The following SLC12A5 variants were observed in gnomAD, a reference collection of about 807,000 sequenced individuals.
SLC12A5 encodes the protein K-Cl cotransporter 2.
Under a neutral mutation model 124.0 loss-of-function variants are expected in SLC12A5, and 18 were observed. The ratio of observed to expected loss-of-function variants is 0.15; its 90% CI spans 0.10 to 0.22. SLC12A5 has a LOEUF of 0.22. Among genes scored for constraint, SLC12A5 ranks in the 10% least tolerant of loss-of-function variants. SLC12A5 has a pLI of 1.00. For synonymous variants in SLC12A5, 589 were observed against 568.0 expected (o/e 1.04, Z -0.53); for missense variants, 867 against 1,478.7 (o/e 0.59, Z 6.78).
At chr20:46,055,519 T>TGGGTGTGGGTGTA (rs879541970) in intron 21 of SLC12A5, among the ~76,000 whole-genome samples, 2 of 152,050 alleles carry the variant, frequency 1.3e-5, no homozygotes, top group African/African-American at 2.4e-5. Flanking sequence ...TAAGATCTTC[T>TGGGTGTGGGTGTA]AGGTGTGGGT....
chr20:46,051,819 C>A lies in SLC12A5; in HGVS notation c.2326C>A (p.Pro776Thr). ...LQHNTVLVGW[P>T]RNWRQKEDHQ... Reference sequence around the variant, plus strand: ...GCACAACACTGTGCTTGTTGGCTGGCCCCGCAACTGGCGCCAGAAGGAAGA... The same window carrying A: ...GCACAACACTGTGCTTGTTGGCTGGACCCGCAACTGGCGCCAGAAGGAAGA... Residue 776 changes from proline (P) to threonine (T), a missense_variant, in exon 18 of 26, where the codon CCC becomes ACC. Around this residue, in one of 9 missense-constraint regions of SLC12A5, gnomAD observed 110 missense variants for 149.9 expected, o/e 0.73. Transcript: ENST00000243964. 1.9e-6 allele frequency: 3 copies of A among 1,590,668 alleles called. No homozygotes were observed. Among genetic ancestry groups the A allele is most frequent in the Non-Finnish European group, 2.6e-6 (3 of 1,170,432 alleles).
rs546189392 is a variant in SLC12A5, at chr20:46,050,128, T to A, written c.2181+338T>A. Among the ~76,000 whole-genome samples the A allele has an allele frequency of 6.5e-4, 99 of 152,332 alleles. 2 individuals are homozygous for A. Among genetic ancestry groups the A allele is most frequent in the African/African-American group, 2.4e-3 (98 of 41,570 alleles). On this transcript the variant is annotated intron_variant, in intron 17 of 25. Transcript: ENST00000243964. ...AGACTCCTTCCTGCCAAAGTATAAA[T>A]CTTTCAAGGTGATTTCCCAGCTGTG... is the stretch of plus-strand genomic sequence containing the variant.
Sources: allele counts gnomAD v4.1 joint callset (sites outside exome capture counted in the v4.1 genomes callset), GRCh38; gene constraint gnomAD v4.1.1; regional missense constraint gnomAD v4.1.1; transcripts MANE v1.5; gene names NCBI Gene and HGNC (gene_info 2026-07-23, HGNC 2026-07-21).